RSPH10B: variants seen among roughly 807,000 people sequenced by gnomAD.
RSPH10B encodes the protein radial spoke head 10 homolog B, also known as radial spoke head 10 homolog B (Chlamydomonas).
RSPH10B carries 7 observed loss-of-function variants against 52.5 expected under a neutral mutation model. The observed-to-expected ratio is 0.13, with a 90% CI of 0.08 to 0.25. The LOEUF (loss-of-function observed/expected upper bound fraction) is 0.25. Ranked by LOEUF, RSPH10B falls within the 10% of genes least tolerant of loss-of-function variation. The probability of loss-of-function intolerance (pLI) is 1.00; values close to 1 mark genes in which losing one functional copy is unlikely to be tolerated. For synonymous variants in RSPH10B, 28 were observed against 193.2 expected (o/e 0.14, Z 7.09); for missense variants, 89 against 542.5 (o/e 0.16, Z 8.30).
intron 17 of RSPH10B, among the ~76,000 whole-genome samples, chr7:5,931,513 C>G (rs2024004): frequency 0.27 from 40,367 of 148,016 alleles, 3,389 homozygotes; most frequent in Non-Finnish European, 0.35. Context: ...ATCACTTGGG[C>G]CCGGGAGTTC....
intron 17 of RSPH10B, among the ~76,000 whole-genome samples, chr7:5,931,233 A>G (rs1779747612): frequency 6.8e-6 from 1 of 147,886 alleles, no homozygotes; most frequent in South Asian, 2.1e-4. Context: ...TGCCCGGCCA[A>G]GAGAAGAGAT....
chr7:5,943,824 G>A (rs1168111498), intron 12 of RSPH10B, 87 bp downstream of exon 14: 1 of 1,511,304 alleles, frequency 6.6e-7, no homozygotes, highest in African/African-American at 1.4e-5. Flanking sequence ...TGGGATTGCA[G>A]GAGTGAGCCA....
intron 13 of RSPH10B, among the ~76,000 whole-genome samples, chr7:5,941,669 G>A (rs1306557431): frequency 1.4e-5 from 2 of 141,330 alleles, no homozygotes; most frequent in East Asian, 2.0e-4. Context: ...GCTTGAACCC[G>A]GGAGGCGGAG....
At chr7:5,937,707 T>G (rs1458474961) in intron 15 of RSPH10B, 51 bp downstream of exon 17, 2 of 537,710 alleles carry the variant, frequency 3.7e-6, no homozygotes, top group Non-Finnish European at 7.2e-6. Flanking sequence ...TGCCCAGCCC[T>G]CCTTGCTCTG....
intron 10 of RSPH10B, among the ~76,000 whole-genome samples, chr7:5,947,888 G>GTGTC (rs1554288750): frequency 3.0e-5 from 3 of 100,490 alleles, no homozygotes; most frequent in Non-Finnish European, 6.6e-5. Flanking sequence ...GTGTGTGTGT[G>GTGTC]TGTGATGGAG....
intron 18 of RSPH10B, among the ~76,000 whole-genome samples, chr7:5,926,976 A>G (rs1779462502): frequency 1.3e-5 from 2 of 150,576 alleles, no homozygotes; most frequent in Admixed American, 1.3e-4. Flanking sequence ...GCTGGTCTCA[A>G]ACTCCTGACC....
intron 12 of RSPH10B, 135 bp from the exon 15 acceptor site, chr7:5,943,607 C>T (rs1780324971): frequency 1.5e-6 from 1 of 682,648 alleles, no homozygotes. Flanking sequence ...GCAGTGGCAC[C>T]ATCTTGGCTC....
chr7:5,956,804 A>G (rs1267841602), intron 6 of RSPH10B, among the ~76,000 whole-genome samples: 22 of 94,414 alleles, frequency 2.3e-4, no homozygotes, highest in Non-Finnish European at 4.1e-4. Context: ...CCTGGCCTCA[A>G]TCCTCAGGTG....
intron 13 of RSPH10B, among the ~76,000 whole-genome samples, chr7:5,940,149 A>G (rs1321680967): frequency 8.9e-6 from 1 of 112,500 alleles, no homozygotes; most frequent in East Asian, 2.2e-4. Flanking sequence ...GTGAGGTGAG[A>G]TCGTGCCACC....
chr7:5,928,259 T>G, exon 18 of RSPH10B: 1 of 1,613,408 alleles, frequency 6.2e-7, no homozygotes, highest in Non-Finnish European at 8.5e-7. Context: ...ACGTAACCTG[T>G]CTGCCCTTAT....
intron 17 of RSPH10B, among the ~76,000 whole-genome samples, chr7:5,931,428 G>C (rs1239113541): frequency 7.3e-5 from 11 of 151,470 alleles, no homozygotes; most frequent in Admixed American, 4.0e-4. Flanking sequence ...GAGAGACACC[G>C]TCAGAAAAGG....
intron 13 of RSPH10B, among the ~76,000 whole-genome samples, chr7:5,942,931 T>C (rs1296226301): frequency 2.1e-5 from 3 of 142,678 alleles, no homozygotes; most frequent in Non-Finnish European, 4.6e-5. Flanking sequence ...TATATATTTT[T>C]TTTTAAGACA....
At chr7:5,944,226 A>G (rs1369684700) in intron 11 of RSPH10B, among the ~76,000 whole-genome samples, 1 of 151,006 alleles carries the variant, frequency 6.6e-6, no homozygotes, top group African/African-American at 2.5e-5. Context: ...GTGGAACCCC[A>G]TCTCCACTAA....
At chr7:5,954,797 TAC>T (rs1157679164) in intron 7 of RSPH10B, among the ~76,000 whole-genome samples, 21 of 50,756 alleles carry the variant, frequency 4.1e-4, no homozygotes, top group South Asian at 1.4e-3. Context: ...ACCATCCTCA[TAC>T]ACACACACAC....
At chr7:5,927,072 G>T (rs71524064) in intron 18 of RSPH10B, among the ~76,000 whole-genome samples, 14,761 of 68,146 alleles carry the variant, frequency 0.22, 529 homozygotes, top group Admixed American at 0.37. Context: ...GTGTGTATAT[G>T]TGTGTGTGTG....
chr7:5,968,561 C>T (rs1781184957), upstream of RSPH10B, among the ~76,000 whole-genome samples: 3 of 69,636 alleles, frequency 4.3e-5, no homozygotes, highest in South Asian at 6.7e-4. Context: ...GGCTGGAGTG[C>T]GGTGGTGCGA....
chr7:5,942,086 G>C, intron 13 of RSPH10B, among the ~76,000 whole-genome samples: 1 of 148,562 alleles, frequency 6.7e-6, no homozygotes, highest in Non-Finnish European at 1.5e-5. Context: ...GTCGAAAGGG[G>C]GTTTCACAGC....
At position 5,945,044 on chromosome 7, in the gene RSPH10B, G is replaced by C. The variant is rs1366648917; in HGVS notation, c.1529+20C>G. On this transcript the variant is annotated intron_variant, in intron 11 of 18. Transcript: ENST00000337579. ...TAGCTGTGCCCCATCCCCCAACAAG[G>C]GTCCAGAAATAGTACTTACTGGAAT... 1.9e-6 allele frequency: 1 copy of C among 535,762 alleles called. No individual in the cohort carries two copies. The highest frequency in any genetic ancestry group is 2.2e-5 in the African/African-American group (1 of 44,892). 33.2% of individuals were successfully genotyped at this position (535,762 alleles called of 1,614,324 possible).
At chr7:5,940,021 C>T (rs1341968433) in intron 13 of RSPH10B, among the ~76,000 whole-genome samples, 4 of 122,598 alleles carry the variant, frequency 3.3e-5, no homozygotes, top group African/African-American at 8.6e-5. Flanking sequence ...ATGGACAAAC[C>T]GCATCTCTAC....
Sources: allele counts gnomAD v4.1 joint callset (sites outside exome capture counted in the v4.1 genomes callset), GRCh38; gene constraint gnomAD v4.1.1; transcripts MANE v1.5; gene names NCBI Gene and HGNC (gene_info 2026-07-23, HGNC 2026-07-21).